PYGO1: variants seen among roughly 807,000 people sequenced by gnomAD.
The protein encoded by PYGO1 is pygopus homolog 1.
Under a neutral mutation model 29.5 loss-of-function variants are expected in PYGO1, and 6 were observed. The ratio of observed to expected loss-of-function variants is 0.20; its 90% CI spans 0.11 to 0.40. The LOEUF is 0.40. Among genes scored for constraint, PYGO1 ranks in the 10% least tolerant of loss-of-function variants. The pLI is 1.00. For missense variants in PYGO1, 515 were observed against 514.9 expected (o/e 1.00, Z 0.00); for synonymous variants, 186 against 180.5 (o/e 1.03, Z -0.24).
At chr15:55,564,412 G>C (rs2058946432) in intron 1 of PYGO1, among the ~76,000 whole-genome samples, 1 of 152,212 alleles carries the variant, frequency 6.6e-6, no homozygotes, top group Non-Finnish European at 1.5e-5. Flanking sequence ...AGACCACTAG[G>C]AAAGGGAGGA....
At chr15:55,561,535 T>G (rs2058932777) in intron 1 of PYGO1, among the ~76,000 whole-genome samples, 1 of 152,104 alleles carries the variant, frequency 6.6e-6, no homozygotes. Context: ...TCAAATCTCC[T>G]GAGAACTCAC....
intron 1 of PYGO1, among the ~76,000 whole-genome samples, chr15:55,556,993 T>C (rs957241908): frequency 1.3e-5 from 2 of 151,882 alleles, no homozygotes; most frequent in South Asian, 4.1e-4. Context: ...ATTGAGGCAG[T>C]AATAAATAGC....
intron 1 of PYGO1, among the ~76,000 whole-genome samples, chr15:55,564,560 T>C (rs1222871702): frequency 1.3e-5 from 2 of 152,122 alleles, no homozygotes; most frequent in Non-Finnish European, 2.9e-5. Flanking sequence ...GTGGAGCAGA[T>C]CTGCAGCCCA....
Position 55,573,388 on chromosome 15 carries a change from G to A in PYGO1, c.49+14447C>T, listed in dbSNP as rs116287188. ...GGAAAGGGAAGCCTCATCCACTGCT[G>A]GTGGGAATGTAAGTTGGTACAGCCA... On this transcript the variant is annotated intron_variant, in intron 1 of 2. Coordinates refer to ENST00000563719, the MANE Select transcript of PYGO1 (RefSeq NM_001367806.1). 7.1e-3 allele frequency among the ~76,000 whole-genome samples: 1,087 copies of A among 152,226 alleles called. 13 individuals carry two copies. The highest frequency in any genetic ancestry group is 0.025 in the African/African-American group (1,029 of 41,528).
chr15:55,571,563 A>G lies in PYGO1; in HGVS notation c.49+16272T>C, dbSNP rs552665044. Among the ~76,000 whole-genome samples, 28 of 152,264 alleles carry G rather than the reference A, an allele frequency of 1.8e-4. No homozygotes were observed. In the South Asian group the frequency reaches 2.5e-3, roughly 14 times the overall value. On this transcript the variant is annotated intron_variant, in intron 1 of 2. Coordinates refer to ENST00000563719, the MANE Select transcript of PYGO1 (RefSeq NM_001367806.1). ...GTCTCACGAGATCTGACGGTTTTACAAACAGGGGTTTCCCTGCACACGCTC... is the reference window on the plus strand; with the variant it reads ...GTCTCACGAGATCTGACGGTTTTACGAACAGGGGTTTCCCTGCACACGCTC...
chr15:55,567,766 A>G (rs1473392254), intron 1 of PYGO1, among the ~76,000 whole-genome samples: 1 of 151,930 alleles, frequency 6.6e-6, no homozygotes, highest in African/African-American at 2.4e-5. Flanking sequence ...ATCCATCTTA[A>G]TTTTTGTACA....
intron 1 of PYGO1, among the ~76,000 whole-genome samples, chr15:55,553,886 A>C (rs1400446454): frequency 3.3e-5 from 5 of 152,156 alleles, no homozygotes; most frequent in Admixed American, 1.3e-4. Context: ...GGAAAAACTG[A>C]GGCAACTAGG....
intron 1 of PYGO1, among the ~76,000 whole-genome samples, chr15:55,587,263 A>G (rs965832767): frequency 6.6e-6 from 1 of 152,174 alleles, no homozygotes; most frequent in African/African-American, 2.4e-5. Flanking sequence ...CATAACACTG[A>G]TTTTAGATAA....
In PYGO1 at chr15:55,546,451, G is replaced by C; in HGVS notation, c.832C>G (p.Arg278Gly). The change falls in exon 3 of 3, where the codon CGA (arginine) becomes GGA (glycine). Residue 278 changes from arginine (R) to glycine (G), a missense_variant. Arg to Gly is a moderately radical substitution (Grantham distance 125). Coordinates refer to ENST00000563719, the MANE Select transcript of PYGO1 (RefSeq NM_001367806.1). ...TTCTCCTGATTTACTGCATTGTTTCGATTAACATTTTTTAATTCAATATTA... is the reference window on the plus strand; with the variant it reads ...TTCTCCTGATTTACTGCATTGTTTCCATTAACATTTTTTAATTCAATATTA... Reference protein sequence around the residue: ...QSNIELKNVNRNNAVNQENSR... With the variant: ...QSNIELKNVNGNNAVNQENSR... 6.2e-7 allele frequency: 1 copy of C among 1,614,058 alleles called. No homozygotes were observed. The highest frequency in any genetic ancestry group is 1.1e-5 in the South Asian group (1 of 91,072).
At chr15:55,576,760 C>CGAAAAAAAAAAAAAAAAA (rs2059004270) in intron 1 of PYGO1, among the ~76,000 whole-genome samples, 2 of 53,544 alleles carry the variant, frequency 3.7e-5, no homozygotes, top group African/African-American at 1.3e-4. Flanking sequence ...GGCGACAGAT[C>CGAAAAAAAAAAAAAAAAA]AAAAAAAAGA....
intron 1 of PYGO1, among the ~76,000 whole-genome samples, chr15:55,560,333 T>C (rs1422140590): frequency 6.6e-6 from 1 of 152,002 alleles, no homozygotes; most frequent in African/African-American, 2.4e-5. Flanking sequence ...TTCAGCAAAA[T>C]CTCAGGATAT....
At chr15:55,580,549 C>T (rs1271140842) in intron 1 of PYGO1, among the ~76,000 whole-genome samples, 1 of 152,210 alleles carries the variant, frequency 6.6e-6, no homozygotes, top group Non-Finnish European at 1.5e-5. Flanking sequence ...CTTCCAACAA[C>T]TCCATGAGAT....
chr15:55,577,107 G>A (rs1265467696), intron 1 of PYGO1, among the ~76,000 whole-genome samples: 1 of 152,100 alleles, frequency 6.6e-6, no homozygotes, highest in African/African-American at 2.4e-5. Flanking sequence ...CTTCAAAGAT[G>A]TGGGACAGAA....
chr15:55,575,840 A>G (rs964126101), intron 1 of PYGO1, among the ~76,000 whole-genome samples: 7 of 152,162 alleles, frequency 4.6e-5, no homozygotes, highest in Non-Finnish European at 1.0e-4. Context: ...CAGCTTAAAC[A>G]GTATTCCTTT....
intron 1 of PYGO1, among the ~76,000 whole-genome samples, chr15:55,585,112 T>A (rs1275874622): frequency 6.6e-6 from 1 of 152,238 alleles, no homozygotes; most frequent in Non-Finnish European, 1.5e-5. Flanking sequence ...GTTTTAGTTT[T>A]GCCATATCTG....
intron 1 of PYGO1, among the ~76,000 whole-genome samples, chr15:55,563,077 A>G (rs1205434810): frequency 6.6e-6 from 1 of 152,188 alleles, no homozygotes; most frequent in Non-Finnish European, 1.5e-5. Context: ...AAAAGAAAAA[A>G]AACATAAATT....
At position 55,546,288 on chromosome 15, in the gene PYGO1, T is replaced by A. The variant is rs368421960; in HGVS notation, c.995A>T (p.His332Leu). The A allele has an allele frequency of 1.7e-5, 27 of 1,614,084 alleles. No individual in the cohort carries two copies. The highest frequency in any genetic ancestry group is 2.3e-5 in the Non-Finnish European group (27 of 1,180,036). The change falls in exon 3 of 3, where the codon CAT (histidine) becomes CTT (leucine). Residue 332 changes from histidine to leucine, a missense_variant. Coordinates refer to ENST00000563719, the MANE Select transcript of PYGO1 (RefSeq NM_001367806.1). ...CACTGGGTCAGAAGACGAATGGCCATGACGGTTTGGGTGAAGAGAGGATTT... is the reference window on the plus strand; with the variant it reads ...CACTGGGTCAGAAGACGAATGGCCAAGACGGTTTGGGTGAAGAGAGGATTT... ...SNKSSLHPNR[H>L]GHSSSDPVYP...
chr15:55,576,264 G>A (rs1234457420), intron 1 of PYGO1, among the ~76,000 whole-genome samples: 1 of 147,966 alleles, frequency 6.8e-6, no homozygotes, highest in Non-Finnish European at 1.5e-5. Context: ...AGACCATCCC[G>A]GCTAAAACGG....
intron 1 of PYGO1, among the ~76,000 whole-genome samples, chr15:55,569,521 G>C (rs1035012569): frequency 3.3e-5 from 5 of 152,028 alleles, no homozygotes; most frequent in Admixed American, 6.6e-5. Flanking sequence ...TTAAATTTCT[G>C]CCTTGATTTC....
Sources: allele counts gnomAD v4.1 joint callset (sites outside exome capture counted in the v4.1 genomes callset), GRCh38; gene constraint gnomAD v4.1.1; transcripts MANE v1.5; gene names NCBI Gene and HGNC (gene_info 2026-07-23, HGNC 2026-07-21).